The following DOT1L variants were observed in gnomAD, a reference collection of about 807,000 sequenced individuals.
The protein encoded by DOT1L is histone-lysine N-methyltransferase, H3 lysine-79 specific.
In DOT1L, 33 loss-of-function variants were observed where a neutral mutation model predicts 153.3. The observed-to-expected ratio is 0.22, with a 90% CI of 0.16 to 0.29. The LOEUF is 0.29. DOT1L is among the 10% of genes least tolerant of loss of function. The probability of loss-of-function intolerance (pLI) is 1.00; values close to 1 mark genes in which losing one functional copy is unlikely to be tolerated. For synonymous variants in DOT1L, 1,135 were observed against 965.1 expected (o/e 1.18, Z -3.26); for missense variants, 1,847 against 2,119.9 (o/e 0.87, Z 2.53).
intron 1 of DOT1L, among the ~76,000 whole-genome samples, chr19:2,171,287 A>G (rs562005523): frequency 6.6e-6 from 1 of 152,192 alleles, no homozygotes; most frequent in East Asian, 1.9e-4. Flanking sequence ...ATGCTGTGGC[A>G]CTGGCAGAGC....
chr19:2,216,665 G>C lies in DOT1L; in HGVS notation c.2308G>C (p.Asp770His), dbSNP rs781254082. ...GAAGCTGTCTGGCCTAGCCGCACCC[G>C]ACTACACTAGGCTGTCCCCGGCCAA... is the stretch of plus-strand genomic sequence containing the variant. Reference protein sequence around the residue: ...LEKLSGLAAPDYTRLSPAKIV... With the variant: ...LEKLSGLAAPHYTRLSPAKIV... The change falls in exon 20 of 28, where the codon GAC becomes CAC. Residue 770 changes from aspartate to histidine, a missense_variant. Transcript: ENST00000398665. 1 of 1,604,404 alleles carries C rather than the reference G, an allele frequency of 6.2e-7. No homozygotes were observed. The highest frequency in any genetic ancestry group is 1.7e-5 in the Admixed American group (1 of 60,012).
chr19:2,165,809 C>A (rs999352225), intron 1 of DOT1L, among the ~76,000 whole-genome samples: 1 of 151,502 alleles, frequency 6.6e-6, no homozygotes, highest in East Asian at 1.9e-4. Context: ...CGATCTGTCG[C>A]CAAAGCTGGA....
At chr19:2,186,824 G>A (rs940522868) in intron 3 of DOT1L, among the ~76,000 whole-genome samples, 2 of 152,228 alleles carry the variant, frequency 1.3e-5, no homozygotes, top group Non-Finnish European at 2.9e-5. Context: ...CTCGCATGTC[G>A]GGGCCTCTCG....
Position 2,222,962 on chromosome 19 carries a change from C to A in DOT1L, c.3391-319C>A. On this transcript the variant is annotated intron_variant, in intron 24 of 27. Transcript: ENST00000398665. This position sits in a 1 kb window ranked among gnomAD's most constrained non-coding sequence, Gnocchi z 6.5. The stretch of plus-strand genomic sequence containing the variant: ...CCATCCTCCACCACGTGCGGCCTGG[C>A]AGCCTGGGAAGAGGCGGCCGACAGC... 2.2e-6 allele frequency: 1 copy of A among 445,282 alleles called. No homozygotes were observed. The highest frequency in any genetic ancestry group is 4.0e-6 in the Non-Finnish European group (1 of 250,628). The allele number at this position is 445,282 out of a possible 1,614,324, so 27.6% of individuals were successfully genotyped here.
chr19:2,230,891 G>A lies in DOT1L; in HGVS notation c.*1099G>A, dbSNP rs2024570279. On this transcript the variant is annotated 3_prime_UTR_variant, in exon 28 of 28. Transcript: ENST00000398665. Reference sequence around the variant, plus strand: ...CCACATCCCTTCCTGTCAGGGCCACGCCTGGCACCCATCCCTTGGAGCCTG... The same window carrying A: ...CCACATCCCTTCCTGTCAGGGCCACACCTGGCACCCATCCCTTGGAGCCTG... 1.3e-5 allele frequency: 4 copies of A among 313,194 alleles called. No homozygotes were observed. The highest frequency in any genetic ancestry group is 1.6e-4 in the South Asian group (1 of 6,284). The allele number at this position is 313,194 out of a possible 1,614,324, so 19.4% of individuals were successfully genotyped here.
rs1001044802 is a variant in DOT1L at position 2,220,495 on chromosome 19, GC to G, written c.2806+277del. 3.6e-6 allele frequency: 2 copies of G among 560,070 alleles called. No homozygotes were observed. Among genetic ancestry groups the G allele is most frequent in the African/African-American group, 3.7e-5 (2 of 53,540 alleles). 34.7% of individuals were successfully genotyped at this position (560,070 alleles called of 1,614,324 possible). A position where few individuals can be genotyped will look rare whatever the true frequency, so the allele number is the denominator to read the frequency against. On this transcript the variant is annotated intron_variant, in intron 23 of 27. Transcript: ENST00000398665. This position sits in a 1 kb window ranked among gnomAD's most constrained non-coding sequence, Gnocchi z 4.5. Reference sequence around the variant, plus strand: ...TGTATTAATTCAGCCCGTGAGGTCGGCCCCAGTGCTCTCGGGGGCTCCTGTA... The same window carrying G: ...TGTATTAATTCAGCCCGTGAGGTCGGCCCAGTGCTCTCGGGGGCTCCTGTA...
rs911763223 is a variant in DOT1L at position 2,226,813 on chromosome 19, C to T, written c.4292C>T (p.Ala1431Val). 3 of 1,578,948 alleles carry T rather than the reference C, an allele frequency of 1.9e-6. No individual in the cohort carries two copies. The highest frequency in any genetic ancestry group is 2.3e-5 in the East Asian group (1 of 43,406). Residue 1431 changes from alanine to valine, a missense_variant, in exon 27 of 28, where the codon GCG becomes GTG. This residue lies in a region of DOT1L where 934 missense variants were observed against 825.3 expected (regional missense o/e 1.13). Transcript: ENST00000398665. ...KNGHNLFISA[A>V]AVPPGSLLSG... ...GGCCACAACCTCTTCATCTCTGCGG[C>T]GGCCGTGCCTCCCGGAAGCCTCCTC...
Position 2,190,087 on chromosome 19 carries a change from G to C in DOT1L, c.264+292G>C, listed in dbSNP as rs552688015. On this transcript the variant is annotated intron_variant, in intron 4 of 27. Coordinates refer to ENST00000398665, the MANE Select transcript of DOT1L (RefSeq NM_032482.3). The surrounding 1 kb of genome is among the most constrained non-coding windows in gnomAD (Gnocchi z 4.8). Reference sequence around the variant, plus strand: ...CCTCTGCAGCCCTGGGTTGGTGTCCGCAGGTCCCAGCAGAGGCGGGGTCCC... The same window carrying C: ...CCTCTGCAGCCCTGGGTTGGTGTCCCCAGGTCCCAGCAGAGGCGGGGTCCC... 6.6e-6 allele frequency among the ~76,000 whole-genome samples: 1 copy of C among 152,156 alleles called. No homozygotes were observed. Among genetic ancestry groups the C allele is most frequent in the Non-Finnish European group, 1.5e-5 (1 of 68,026 alleles).
chr19:2,190,970 G>C lies in DOT1L; in HGVS notation c.265-42G>C. The C allele has an allele frequency of 1.3e-6, 2 of 1,534,358 alleles. No homozygotes were observed. The highest frequency in any genetic ancestry group is 1.8e-6 in the Non-Finnish European group (2 of 1,137,856). ...GTCTTGGTGGTGGAGGGGCTGGGCC[G>C]TGAGGTTTATGTGACATGGCCGGGC... On this transcript the variant is annotated intron_variant, in intron 4 of 27. Transcript: ENST00000398665. The surrounding 1 kb of genome is among the most constrained non-coding windows in gnomAD (Gnocchi z 4.8).
chr19:2,168,753 T>C (rs1350845401), intron 1 of DOT1L, among the ~76,000 whole-genome samples: 1 of 152,094 alleles, frequency 6.6e-6, no homozygotes, highest in African/African-American at 2.4e-5. Flanking sequence ...TAGGTGGGAC[T>C]ACAGGCACCC....
In DOT1L at chr19:2,191,354, C is replaced by T; in HGVS notation, c.493+114C>T. ...CAGGGACTTGCGACGTTGGCGTGGA[C>T]AGTGCTTCCTTCTCCCAGCGCCTCT... On this transcript the variant is annotated intron_variant, in intron 5 of 27. Transcript: ENST00000398665. The surrounding 1 kb of genome is among the most constrained non-coding windows in gnomAD (Gnocchi z 6.8). The T allele has an allele frequency of 9.2e-7, 1 of 1,087,390 alleles. No homozygotes were observed. The highest frequency in any genetic ancestry group is 1.4e-6 in the Non-Finnish European group (1 of 734,606). 67.4% of individuals were successfully genotyped at this position (1,087,390 alleles called of 1,614,324 possible). A position where few individuals can be genotyped will look rare whatever the true frequency, so the allele number is the denominator to read the frequency against.
chr19:2,189,156 A>G (rs1016433661), intron 3 of DOT1L, among the ~76,000 whole-genome samples: 1 of 152,172 alleles, frequency 6.6e-6, no homozygotes, highest in Admixed American at 6.5e-5. Flanking sequence ...CTGACATGAC[A>G]CACTGCTGAC....
intron 3 of DOT1L, among the ~76,000 whole-genome samples, chr19:2,189,468 G>T (rs2022695367): frequency 6.6e-6 from 1 of 152,236 alleles, no homozygotes; most frequent in African/African-American, 2.4e-5. Flanking sequence ...TTGCGCGGGA[G>T]CCTGGGCAGG....
Position 2,208,765 on chromosome 19 carries a change from T to C in DOT1L, c.964-170T>C, listed in dbSNP as rs1004893407. Among the ~76,000 whole-genome samples the C allele has an allele frequency of 6.6e-6, 1 of 152,102 alleles. No homozygotes were observed. Among genetic ancestry groups the C allele is most frequent in the Non-Finnish European group, 1.5e-5 (1 of 68,020 alleles). On this transcript the variant is annotated intron_variant, in intron 11 of 27. Transcript: ENST00000398665. The surrounding 1 kb of genome is among the most constrained non-coding windows in gnomAD (Gnocchi z 4.4). ...TGACGCCTGGCCACAGCTGGGTTAG[T>C]CACATCCGCGTTTGCCACTGGGGGG...
intron 27 of DOT1L, chr19:2,227,968 C>T (rs1389515767): frequency 1.5e-5 from 19 of 1,260,736 alleles, no homozygotes; most frequent in East Asian, 1.2e-4. Flanking sequence ...CGGTCCCCCG[C>T]GGGGCCGCCC....
chr19:2,184,764 T>C (rs2022413745), intron 2 of DOT1L, among the ~76,000 whole-genome samples: 1 of 152,144 alleles, frequency 6.6e-6, no homozygotes, highest in African/African-American at 2.4e-5. Context: ...GCTGCTCAGA[T>C]CTCCGTCCTT....
At chr19:2,227,440 C>G in intron 27 of DOT1L, 1 of 608,488 alleles carries the variant, frequency 1.6e-6, no homozygotes, top group East Asian at 3.9e-5. Flanking sequence ...CGCCCGGGCT[C>G]TGGCAAGGCT....
Position 2,210,719 on chromosome 19 carries a change from G to A in DOT1L, c.1215G>A (p.Lys405=), listed in dbSNP as rs2144831827. ...AGAAGCTAAACAAGAAGGGGAGGAAGATGGCTGGCCGCAAGCGCGGGCGCC... is the reference window on the plus strand; with the variant it reads ...AGAAGCTAAACAAGAAGGGGAGGAAAATGGCTGGCCGCAAGCGCGGGCGCC... ...RKKKLNKKGR[K]MAGRKRGRPK... The change falls in exon 14 of 28, where the codon AAG becomes AAA. Residue 405 remains lysine (K), a synonymous_variant. Coordinates refer to ENST00000398665, the MANE Select transcript of DOT1L (RefSeq NM_032482.3). 1 of 1,613,166 alleles carries A rather than the reference G, an allele frequency of 6.2e-7. No individual in the cohort carries two copies. Among genetic ancestry groups the A allele is most frequent in the Non-Finnish European group, 8.5e-7 (1 of 1,180,010 alleles).
rs753424750 is a variant in DOT1L at position 2,213,977 on chromosome 19, C to T, written c.1788C>T (p.Ser596=). The change falls in exon 18 of 28, where the codon AGC becomes AGT. Residue 596 remains serine (S), a synonymous_variant. Coordinates refer to ENST00000398665, the MANE Select transcript of DOT1L (RefSeq NM_032482.3). ...ACAACCGCGCGCTCCGCGGCCAGAG[C>T]TTGCAGCTGGTGGGTGCCGCGGCGC... ...EQDNRALRGQ[S]LQLLKARCEE... The T allele has an allele frequency of 1.2e-6, 2 of 1,612,520 alleles. No individual in the cohort carries two copies. Among genetic ancestry groups the T allele is most frequent in the Non-Finnish European group, 1.7e-6 (2 of 1,179,760 alleles).
Sources: allele counts gnomAD v4.1 joint callset (sites outside exome capture counted in the v4.1 genomes callset), GRCh38; gene constraint gnomAD v4.1.1; regional missense constraint gnomAD v4.1.1; non-coding constraint Gnocchi (gnomAD v3.1); transcripts MANE v1.5; gene names NCBI Gene and HGNC (gene_info 2026-07-23, HGNC 2026-07-21).